The following RTRAF variants were observed in gnomAD, a reference collection of about 807,000 sequenced individuals.
RTRAF encodes tRNA-splicing ligase complex subunit RTRAF.
A neutral mutation model predicts 34.4 loss-of-function variants in RTRAF; 14 were observed. That is an observed-to-expected ratio of 0.41 (90% CI 0.27 to 0.64). The LOEUF is 0.64. Ranked by LOEUF, RTRAF falls within the 30% of genes least tolerant of loss-of-function variation. The pLI is 0.34. For missense variants in RTRAF, 291 were observed against 288.4 expected (o/e 1.01, Z -0.06); for synonymous variants, 96 against 95.3 (o/e 1.01, Z -0.04).
At chr14:52,000,610 T>C (rs1890586219) in intron 5 of RTRAF, among the ~76,000 whole-genome samples, 1 of 152,196 alleles carries the variant, frequency 6.6e-6, no homozygotes, top group Non-Finnish European at 1.5e-5. Flanking sequence ...ATTTTTATTA[T>C]TAAATGTCAG....
At chr14:51,995,969 CTG>C (rs1890515538) in intron 3 of RTRAF, among the ~76,000 whole-genome samples, 2 of 152,236 alleles carry the variant, frequency 1.3e-5, no homozygotes, top group Admixed American at 1.3e-4. Flanking sequence ...CTTATCAAAA[CTG>C]TTTTTCATTT....
Position 52,006,479 on chromosome 14 carries a change from G to GGT in RTRAF, c.*1968_*1969dup. 6.2e-7 allele frequency: 1 copy of GGT among 1,603,208 alleles called. No individual in the cohort carries two copies. The highest frequency in any genetic ancestry group is 1.7e-5 in the Admixed American group (1 of 59,272). ...GGTACTGACTTTTGGTAAAACAAGT[G>GGT]GTGTGTCCTCTGGAACAGTTGGCCT... On this transcript the variant is annotated 3_prime_UTR_variant, in exon 8 of 8. Coordinates refer to ENST00000261700, the MANE Select transcript of RTRAF (RefSeq NM_016039.3).
Position 52,004,492 on chromosome 14 carries a change from C to G in RTRAF, c.711C>G (p.His237Gln), listed in dbSNP as rs1380982207. The change falls in exon 8 of 8, where the codon CAC (histidine) becomes CAG (glutamine). Residue 237 changes from histidine to glutamine, a missense_variant. Transcript: ENST00000261700. ...QAIIADPKTD[H>Q]RLGKVGR is the part of the protein sequence containing the mutation. ...TTATTGCTGATCCAAAGACAGACCA[C>G]AGACTGGGAAAAGTTGGAAGATGAA... 2 of 1,613,264 alleles carry G rather than the reference C, an allele frequency of 1.2e-6. No homozygotes were observed. Among genetic ancestry groups the G allele is most frequent in the Non-Finnish European group, 1.7e-6 (2 of 1,179,788 alleles).
chr14:51,993,735 G>A lies in RTRAF; in HGVS notation c.199G>A (p.Val67Ile), dbSNP rs1594984946. 5.0e-6 allele frequency: 8 copies of A among 1,595,682 alleles called. No homozygotes were observed. The highest frequency in any genetic ancestry group is 6.8e-6 in the Non-Finnish European group (8 of 1,168,812). The stretch of plus-strand genomic sequence containing the variant: ...TTCCCCCTCACAGTATCTCAGAGAT[G>A]TTAACTGTCCTTTCAAGATTCAAGA... ...PKFFEKYLRDVNCPFKIQDRQ... is the reference protein window; with the variant it reads ...PKFFEKYLRDINCPFKIQDRQ... The change falls in exon 3 of 8, where the codon GTT becomes ATT. Residue 67 changes from valine to isoleucine, a missense_variant. Coordinates refer to ENST00000261700, the MANE Select transcript of RTRAF (RefSeq NM_016039.3).
Position 52,000,935 on chromosome 14 carries a change from A to G in RTRAF, c.463-863A>G, listed in dbSNP as rs146195402. Among the ~76,000 whole-genome samples, 11 of 152,348 alleles carry G rather than the reference A, an allele frequency of 7.2e-5. No homozygotes were observed. In the East Asian group the frequency reaches 1.9e-3, roughly 27 times the overall value. ...TATAAATCAACTACAACAAAATGCTATAAAATTCTAGTCCTGCTGCACATT... is the reference window on the plus strand; with the variant it reads ...TATAAATCAACTACAACAAAATGCTGTAAAATTCTAGTCCTGCTGCACATT... On this transcript the variant is annotated intron_variant, in intron 5 of 7. Coordinates refer to ENST00000261700, the MANE Select transcript of RTRAF (RefSeq NM_016039.3).
intron 3 of RTRAF, among the ~76,000 whole-genome samples, chr14:51,994,441 C>T (rs1370144093): frequency 6.6e-6 from 1 of 152,154 alleles, no homozygotes; most frequent in Non-Finnish European, 1.5e-5. Flanking sequence ...TAATTATTTA[C>T]TTTGGAAGCC....
Position 52,005,532 on chromosome 14 carries a change from G to GGTGAGTATATTGTAACCAA in RTRAF, c.*1019_*1037dup. The GGTGAGTATATTGTAACCAA allele has an allele frequency of 6.3e-7, 1 of 1,590,884 alleles. No individual in the cohort carries two copies. The highest frequency in any genetic ancestry group is 2.2e-5 in the East Asian group (1 of 44,800). ...AGAGCAGGGGTGGGACAGGGTGGTG[G>GGTGAGTATATTGTAACCAA]GTGAGTATATTGTAACCAAGTTGCA... On this transcript the variant is annotated 3_prime_UTR_variant, in exon 8 of 8. Transcript: ENST00000261700.
rs570615482 is a variant in RTRAF at position 51,999,927 on chromosome 14, A to C, written c.462+131A>C. 1.8e-4 allele frequency: 111 copies of C among 617,634 alleles called. No individual in the cohort carries two copies. In the South Asian group the frequency reaches 2.7e-3, roughly 15 times the overall value. The allele number at this position is 617,634 out of a possible 1,614,324, so 38.3% of individuals were successfully genotyped here. On this transcript the variant is annotated intron_variant, in intron 5 of 7. Transcript: ENST00000261700. ...AATACACAGAAGAATATGAAACATA[A>C]AGTAGATTTCATGGTTTTATCTGAT...
chr14:52,003,188 T>G (rs929305309), intron 6 of RTRAF, among the ~76,000 whole-genome samples: 22 of 152,208 alleles, frequency 1.4e-4, no homozygotes, highest in Non-Finnish European at 2.9e-4. Flanking sequence ...TACAGTCTAG[T>G]GTACTTATAA....
At chr14:51,989,827 C>G (rs919840278) in intron 1 of RTRAF, 127 bp downstream of exon 1, 5 of 940,166 alleles carry the variant, frequency 5.3e-6, no homozygotes, top group African/African-American at 3.4e-5. Context: ...CCTCCGGGCC[C>G]CTCTCCTCTG....
chr14:52,003,480 T>C (rs568621615), intron 6 of RTRAF, among the ~76,000 whole-genome samples: 2 of 152,274 alleles, frequency 1.3e-5, no homozygotes, highest in South Asian at 2.1e-4. Flanking sequence ...AGTAACAGGT[T>C]GTAACATTGA....
chr14:52,005,361 C>T lies in RTRAF; in HGVS notation c.*845C>T, dbSNP rs61971510. ...AAGTCTTTTTGCACTACAAAATGTTCATCTTGGATGCTCAGGAACGTCTAA... is the reference window on the plus strand; with the variant it reads ...AAGTCTTTTTGCACTACAAAATGTTTATCTTGGATGCTCAGGAACGTCTAA... On this transcript the variant is annotated 3_prime_UTR_variant, in exon 8 of 8. Coordinates refer to ENST00000261700, the MANE Select transcript of RTRAF (RefSeq NM_016039.3). 3.5e-4 allele frequency: 300 copies of T among 850,844 alleles called. 1 individual carries two copies. The highest frequency in any genetic ancestry group is 4.6e-4 in the Non-Finnish European group (270 of 587,772). The allele number at this position is 850,844 out of a possible 1,614,324, so 52.7% of individuals were successfully genotyped here. A position where few individuals can be genotyped will look rare whatever the true frequency, so the allele number is the denominator to read the frequency against.
intron 4 of RTRAF, chr14:51,999,490 C>T (rs1039646441): frequency 2.2e-5 from 9 of 400,026 alleles, no homozygotes; most frequent in Admixed American, 4.0e-5. Context: ...AGTTGGGGAC[C>T]GTCTCATACA....
chr14:52,004,455 C>T lies in RTRAF; in HGVS notation c.674C>T (p.Ala225Val), dbSNP rs1458818622. The change falls in exon 8 of 8, where the codon GCT (alanine) becomes GTT (valine). Residue 225 changes from alanine (A) to valine (V), a missense_variant. Physicochemically the swap from Ala to Val is moderately conservative, Grantham distance 64. Coordinates refer to ENST00000261700, the MANE Select transcript of RTRAF (RefSeq NM_016039.3). ...ACAAAAATCAACGAAGCCATAGTAGCTGTTCAGGCAATTATTGCTGATCCA... is the reference window on the plus strand; with the variant it reads ...ACAAAAATCAACGAAGCCATAGTAGTTGTTCAGGCAATTATTGCTGATCCA... ...LQTKINEAIVAVQAIIADPKT... is the reference protein window; with the variant it reads ...LQTKINEAIVVVQAIIADPKT... 1 of 1,614,018 alleles carries T rather than the reference C, an allele frequency of 6.2e-7. No homozygotes were observed. Among genetic ancestry groups the T allele is most frequent in the African/African-American group, 1.3e-5 (1 of 75,048 alleles).
intron 3 of RTRAF, among the ~76,000 whole-genome samples, chr14:51,996,976 T>A (rs1890530835): frequency 6.6e-6 from 1 of 152,126 alleles, no homozygotes; most frequent in Non-Finnish European, 1.5e-5. Flanking sequence ...TGTTTCCTCA[T>A]GATTAGATTT....
At position 51,993,615 on chromosome 14, in the gene RTRAF, A is replaced by T. The variant is rs975055922; in HGVS notation, c.187-108A>T. On this transcript the variant is annotated intron_variant, in intron 2 of 7. Coordinates refer to ENST00000261700, the MANE Select transcript of RTRAF (RefSeq NM_016039.3). ...ATCAAAAGTGTAGTAATGTTATTAA[A>T]AAATTGTTAGAGATCCAAACTAAGG... 1.4e-5 allele frequency: 9 copies of T among 666,124 alleles called. No homozygotes were observed. The South Asian group carries it at 1.4e-4, about 11-fold the overall frequency. The allele number at this position is 666,124 out of a possible 1,614,324, so 41.3% of individuals were successfully genotyped here. A position where few individuals can be genotyped will look rare whatever the true frequency, so the allele number is the denominator to read the frequency against.
At chr14:52,004,047 C>CAAAT (rs534623374) in intron 6 of RTRAF, 147 bp from the exon 7 acceptor site, 7 of 709,820 alleles carry the variant, frequency 9.9e-6, no homozygotes, top group African/African-American at 3.6e-5. Context: ...CATCACAAAG[C>CAAAT]AAATATAAAC....
At chr14:51,998,282 T>A in intron 3 of RTRAF, 1 of 412,314 alleles carries the variant, frequency 2.4e-6, no homozygotes, top group Non-Finnish European at 4.4e-6. Flanking sequence ...ATGAATTTTG[T>A]GTTTAGACTT....
rs745360211 is a variant in RTRAF at position 52,007,872 on chromosome 14, A to G, written c.*3356A>G. The stretch of plus-strand genomic sequence containing the variant: ...AAAGGTTAAGCCATTGGGCAATCCA[A>G]TGTCTGTATTGATCAGAATTCTTCT... On this transcript the variant is annotated 3_prime_UTR_variant, in exon 8 of 8. Coordinates refer to ENST00000261700, the MANE Select transcript of RTRAF (RefSeq NM_016039.3). 6.2e-6 allele frequency: 10 copies of G among 1,613,720 alleles called. No homozygotes were observed. The highest frequency in any genetic ancestry group is 1.7e-5 in the Admixed American group (1 of 59,956).
Sources: gnomAD v4.1 joint callset for allele counts (sites outside exome capture counted in the v4.1 genomes callset) on GRCh38, gnomAD v4.1.1 for gene constraint, MANE v1.5 for transcripts, NCBI Gene and HGNC (gene_info 2026-07-23, HGNC 2026-07-21) for gene names.